The following TMEM132A variants were observed in gnomAD, a reference collection of about 807,000 sequenced individuals.
TMEM132A encodes transmembrane protein 132A, also known as GRP78-binding protein.
TMEM132A carries 48 observed loss-of-function variants against 69.9 expected under a neutral mutation model. The observed-to-expected ratio is 0.69, with a 90% confidence interval of 0.55 to 0.87. TMEM132A has a LOEUF of 0.87. TMEM132A is among the 40% of genes least tolerant of loss of function. The probability of loss-of-function intolerance (pLI) is 0.00; values close to 1 mark genes in which losing one functional copy is unlikely to be tolerated. For synonymous variants in TMEM132A, 577 were observed against 613.7 expected (o/e 0.94, Z 0.88); for missense variants, 1,287 against 1,407.2 (o/e 0.91, Z 1.37).
chr11:60,928,528 T>C, intron 3 of TMEM132A, 101 bp from the exon 4 acceptor site: 1 of 1,144,358 alleles, frequency 8.7e-7, no homozygotes, highest in African/African-American at 1.5e-5. Context: ...CTCCCTTTCA[T>C]GAGCCCCTCC....
intron 4 of TMEM132A, 91 bp downstream of exon 4, chr11:60,929,051 A>C: frequency 7.4e-7 from 1 of 1,348,344 alleles, no homozygotes; most frequent in Non-Finnish European, 1.0e-6. Context: ...TCCTTGCTGG[A>C]ATCCTTGACC....
rs1381683538 is a variant in TMEM132A, at chr11:60,928,946, C to T, written c.852C>T (p.Ser284=). The change falls in exon 4 of 11, where the codon AGC becomes AGT. Residue 284 remains serine, a synonymous_variant. Coordinates refer to ENST00000453848, the MANE Select transcript of TMEM132A (RefSeq NM_178031.3). ...TGCTTCGGCACAACTTCACAGCCAG[C>T]CTCCTGACCCTGCGGTGAGCACCAG... The part of the protein sequence containing the change: ...TLLLRHNFTA[S]LLTLRIKVKK... 1 of 1,612,372 alleles carries T rather than the reference C, an allele frequency of 6.2e-7. No individual in the cohort carries two copies.
chr11:60,936,401 G>A lies in TMEM132A; in HGVS notation c.2566G>A (p.Val856Ile), dbSNP rs748925628. 17 of 1,614,172 alleles carry A rather than the reference G, an allele frequency of 1.1e-5. No homozygotes were observed. In the South Asian group the frequency reaches 1.5e-4, roughly 15 times the overall value. Residue 856 changes from valine (V) to isoleucine (I), a missense_variant, in exon 11 of 11, where the codon GTC becomes ATC. Physicochemically the swap from Val to Ile is conservative, Grantham distance 29. Coordinates refer to ENST00000453848, the MANE Select transcript of TMEM132A (RefSeq NM_178031.3). The part of the protein sequence containing the change: ...LELGMYALLG[V>I]FCVAIFIFLV... ...GCTGGGCATGTACGCCCTGCTGGGA[G>A]TCTTCTGCGTGGCCATCTTCATCTT...
chr11:60,934,372 G>T, intron 8 of TMEM132A, 116 bp from the exon 9 acceptor site: 1 of 957,010 alleles, frequency 1.0e-6, no homozygotes, highest in Non-Finnish European at 1.4e-6. Flanking sequence ...TGAGAAACAG[G>T]AGCTGCTGGT....
chr11:60,926,348 G>T (rs561058296), intron 1 of TMEM132A, among the ~76,000 whole-genome samples: 29 of 152,222 alleles, frequency 1.9e-4, no homozygotes, highest in Non-Finnish European at 3.7e-4. Context: ...TTAACCTCTC[G>T]GCCTCATTTT....
chr11:60,935,793 T>G lies in TMEM132A; in HGVS notation c.2029-71T>G. 6.5e-7 allele frequency: 1 copy of G among 1,545,234 alleles called. No individual in the cohort carries two copies. The highest frequency in any genetic ancestry group is 8.8e-7 in the Non-Finnish European group (1 of 1,138,672). ...GTCTCTCCTCCATGTGGCCTATCTCTGTGGGAGTGGTTTCTCTGTGCATGC... is the reference window on the plus strand; with the variant it reads ...GTCTCTCCTCCATGTGGCCTATCTCGGTGGGAGTGGTTTCTCTGTGCATGC... On this transcript the variant is annotated intron_variant, in intron 10 of 10. Transcript: ENST00000453848. The surrounding 1 kb of genome is among the most constrained non-coding windows in gnomAD (Gnocchi z 5.0).
At position 60,927,773 on chromosome 11, in the gene TMEM132A, T is replaced by G; in HGVS notation, c.448T>G (p.Trp150Gly). 1 of 1,613,130 alleles carries G rather than the reference T, an allele frequency of 6.2e-7. No homozygotes were observed. Among genetic ancestry groups the G allele is most frequent in the Non-Finnish European group, 8.5e-7 (1 of 1,180,020 alleles). Residue 150 changes from tryptophan to glycine, a missense_variant, in exon 3 of 11, where the codon TGG becomes GGG. Transcript: ENST00000453848. ...TCTCTTCCACCTCAAAGGGCAGGAT[T>G]GGCCACCAGGGTCTGGCAGCCTGCC... ...RVLFHLKGQD[W>G]PPGSGSLPCA...
chr11:60,934,479 G>C lies in TMEM132A; in HGVS notation c.1560-9G>C, dbSNP rs531155023. The C allele has an allele frequency of 5.7e-5, 78 of 1,371,836 alleles. 1 individual carries two copies. In the South Asian group the frequency reaches 1.2e-3, roughly 22 times the overall value. 85.0% of individuals were successfully genotyped at this position (1,371,836 alleles called of 1,614,324 possible). ...GCTGACGGCCAGTCCCGGCCTCCCCGCCCTGCAGGCCTGCGGAACCCGCTG... is the reference window on the plus strand; with the variant it reads ...GCTGACGGCCAGTCCCGGCCTCCCCCCCCTGCAGGCCTGCGGAACCCGCTG... On this transcript the variant is annotated splice_polypyrimidine_tract_variant and intron_variant, in intron 8 of 10. Transcript: ENST00000453848.
In TMEM132A at chr11:60,927,235, C is replaced by T; in HGVS notation, c.132C>T (p.Val44=). 2 of 1,613,584 alleles carry T rather than the reference C, an allele frequency of 1.2e-6. No homozygotes were observed. The highest frequency in any genetic ancestry group is 1.1e-5 in the South Asian group (1 of 91,072). ...GTGGCCAGGCTCCCCTGGACCCTGT[C>T]TACCTGCCGGCAGCCCTGGAGCTCC... ...VDCGQAPLDP[V]YLPAALELLD... The change falls in exon 2 of 11, where the codon GTC becomes GTT. Residue 44 remains valine (V), a synonymous_variant. Transcript: ENST00000453848.
In TMEM132A at chr11:60,936,928, A is replaced by G. The variant is rs201199071; in HGVS notation, c.*21A>G. The stretch of plus-strand genomic sequence containing the variant: ...CCTGACCCTCCACAGCCACCTGGTC[A>G]GCCACCAGCTGGGGCAACGAGGGTG... On this transcript the variant is annotated 3_prime_UTR_variant, in exon 11 of 11. Transcript: ENST00000453848. The G allele has an allele frequency of 6.7e-4, 1,004 of 1,508,784 alleles. 15 individuals are homozygous for G. The East Asian group carries it at 0.019, about 29-fold the overall frequency. The allele number at this position is 1,508,784 out of a possible 1,614,324, so 93.5% of individuals were successfully genotyped here.
In TMEM132A at chr11:60,932,064, G is replaced by T. The variant is rs778563000; in HGVS notation, c.1293G>T (p.Gly431=). 1.9e-6 allele frequency: 3 copies of T among 1,588,384 alleles called. No homozygotes were observed. In the African/African-American group the frequency reaches 4.1e-5, roughly 21 times the overall value. The part of the protein sequence containing the change: ...VPVRLVTVDG[G]GALVEVTEHV... ...TGCGCCTTGTCACTGTGGACGGCGG[G>T]GGGGCCTTGGTGGAGGTGACAGAGC... Residue 431 remains glycine, a synonymous_variant, in exon 7 of 11, where the codon GGG becomes GGT. Coordinates refer to ENST00000453848, the MANE Select transcript of TMEM132A (RefSeq NM_178031.3).
chr11:60,928,075 T>G (rs1856393182), intron 3 of TMEM132A, among the ~76,000 whole-genome samples: 1 of 152,240 alleles, frequency 6.6e-6, no homozygotes, highest in Non-Finnish European at 1.5e-5. Context: ...AGTAAGTAAC[T>G]TAATCTCTCT....
At chr11:60,930,474 C>T in intron 4 of TMEM132A, 36 bp from the exon 5 acceptor site, 1 of 1,558,180 alleles carries the variant, frequency 6.4e-7, no homozygotes, top group Non-Finnish European at 8.7e-7. Flanking sequence ...GTTCAGCATG[C>T]ACCTTGCCAA....
rs1470039797 is a variant in TMEM132A at position 60,930,499 on chromosome 11, C to G, written c.867-11C>G. 5.0e-6 allele frequency: 8 copies of G among 1,592,820 alleles called. No homozygotes were observed. The African/African-American group carries it at 6.7e-5, about 13-fold the overall frequency. ...CACCTTGCCAAACTGAGCCTATACT[C>G]TCTTCCCCAGGATCAAGGTGAAGAA... On this transcript the variant is annotated splice_polypyrimidine_tract_variant and intron_variant, in intron 4 of 10. Transcript: ENST00000453848.
At chr11:60,929,756 T>C (rs893885622) in intron 4 of TMEM132A, among the ~76,000 whole-genome samples, 5 of 152,310 alleles carry the variant, frequency 3.3e-5, no homozygotes, top group African/African-American at 1.2e-4. Context: ...GCATGTCCCG[T>C]CTCTGTGTCT....
rs1856607798 is a variant in TMEM132A at position 60,936,580 on chromosome 11, C to T, written c.2745C>T (p.Gly915=). 2 of 1,604,220 alleles carry T rather than the reference C, an allele frequency of 1.2e-6. No homozygotes were observed. Among genetic ancestry groups the T allele is most frequent in the African/African-American group, 1.3e-5 (1 of 74,798 alleles). ...LSRQLDRQSP[G]PPKGEGSCPC... is the part of the protein sequence containing the mutation. ...GCCAGCTGGACCGGCAGTCCCCTGG[C>T]CCGCCCAAGGGGGAGGGGAGCTGCC... Residue 915 remains glycine (G), a synonymous_variant, in exon 11 of 11, where the codon GGC becomes GGT. Transcript: ENST00000453848.
Position 60,935,407 on chromosome 11 carries a change from G to T in TMEM132A, c.1992G>T (p.Thr664=), listed in dbSNP as rs373742200. The change falls in exon 10 of 11, where the codon ACG becomes ACT. Residue 664 remains threonine (T), a synonymous_variant. Coordinates refer to ENST00000453848, the MANE Select transcript of TMEM132A (RefSeq NM_178031.3). The surrounding 1 kb of genome is among the most constrained non-coding windows in gnomAD (Gnocchi z 5.0). ...CCCACCCCGGGGAGGTCACAGCTACGTGCTGGGCACAGTCAGCCCTTCCCG... is the reference window on the plus strand; with the variant it reads ...CCCACCCCGGGGAGGTCACAGCTACTTGCTGGGCACAGTCAGCCCTTCCCG... The part of the protein sequence containing the change: ...GTAHPGEVTA[T]CWAQSALPAP... 9.9e-6 allele frequency: 16 copies of T among 1,610,742 alleles called. No individual in the cohort carries two copies. Among genetic ancestry groups the T allele is most frequent in the Non-Finnish European group, 1.3e-5 (15 of 1,178,914 alleles).
rs1856583377 is a variant in TMEM132A, at chr11:60,935,895, C to T, written c.2060C>T (p.Ser687Phe). The T allele has an allele frequency of 6.2e-7, 1 of 1,611,998 alleles. No individual in the cohort carries two copies. The highest frequency in any genetic ancestry group is 8.5e-7 in the Non-Finnish European group (1 of 1,180,016). ...GCCCTCTCCCTATGGCTGTCCTTCT[C>T]TGATCACACTGTGGCCCCAGCTGAG... is the stretch of plus-strand genomic sequence containing the variant. ...EVALSLWLSF[S>F]DHTVAPAELY... is the part of the protein sequence containing the mutation. The change falls in exon 11 of 11, where the codon TCT becomes TTT. Residue 687 changes from serine to phenylalanine, a missense_variant. Physicochemically the swap from Ser to Phe is radical, Grantham distance 155 (BLOSUM62 -2). Transcript: ENST00000453848. The surrounding 1 kb of genome is among the most constrained non-coding windows in gnomAD (Gnocchi z 5.0).
chr11:60,931,396 C>T lies in TMEM132A; in HGVS notation c.1017-293C>T, dbSNP rs184920649. On this transcript the variant is annotated intron_variant, in intron 5 of 10. Coordinates refer to ENST00000453848, the MANE Select transcript of TMEM132A (RefSeq NM_178031.3). ...GTGGAAAGCGGAAGTCTGGGGGAAG[C>T]GGGCCCGGGCAGGCAGGGGAGTGAG... is the stretch of plus-strand genomic sequence containing the variant. 7.2e-5 allele frequency among the ~76,000 whole-genome samples: 11 copies of T among 152,250 alleles called. No homozygotes were observed. The East Asian group carries it at 1.9e-3, about 27-fold the overall frequency.
Sources: gnomAD v4.1 joint callset for allele counts (sites outside exome capture counted in the v4.1 genomes callset) on GRCh38, gnomAD v4.1.1 for gene constraint, Gnocchi (gnomAD v3.1) non-coding constraint, MANE v1.5 for transcripts, NCBI Gene and HGNC (gene_info 2026-07-23, HGNC 2026-07-21) for gene names.